TEK: variants seen among roughly 807,000 people sequenced by gnomAD.
TEK encodes the protein angiopoietin-1 receptor.
A neutral mutation model predicts 131.8 loss-of-function variants in TEK; 43 were observed. The ratio of observed to expected loss-of-function variants is 0.33; its 90% CI spans 0.26 to 0.42. The LOEUF (loss-of-function observed/expected upper bound fraction) is 0.42, where lower values mean the gene tolerates loss of function less well. Among genes scored for constraint, TEK ranks in the 10% least tolerant of loss-of-function variants. The probability of loss-of-function intolerance (pLI) is 1.00; values close to 1 mark genes in which losing one functional copy is unlikely to be tolerated. For synonymous variants in TEK, 580 were observed against 491.6 expected (o/e 1.18, Z -2.38); for missense variants, 1,162 against 1,384.4 (o/e 0.84, Z 2.55).
At chr9:27,183,026 C>A (rs1410278207) in intron 7 of TEK, among the ~76,000 whole-genome samples, 2 of 152,164 alleles carry the variant, frequency 1.3e-5, no homozygotes, top group Admixed American at 6.5e-5. Flanking sequence ...AACAGCAATA[C>A]CATGGGGTTA....
chr9:27,210,848 G>A (rs1825586086), intron 16 of TEK, among the ~76,000 whole-genome samples: 1 of 152,168 alleles, frequency 6.6e-6, no homozygotes. Context: ...GCCGGGCGTG[G>A]TGGCTCACGC....
intron 16 of TEK, chr9:27,210,572 G>A: frequency 6.3e-6 from 1 of 159,120 alleles, no homozygotes; most frequent in Non-Finnish European, 1.4e-5. Context: ...AGGGATCCAG[G>A]CACTTTGCAC....
chr9:27,204,009 T>A (rs1406779078), intron 13 of TEK, among the ~76,000 whole-genome samples: 2 of 152,200 alleles, frequency 1.3e-5, no homozygotes, highest in African/African-American at 4.8e-5. Flanking sequence ...ATATAGAAAA[T>A]CATGGTTTTC....
chr9:27,151,529 A>G (rs1027073022), intron 1 of TEK, among the ~76,000 whole-genome samples: 6 of 152,182 alleles, frequency 3.9e-5, no homozygotes, highest in Admixed American at 3.9e-4. Flanking sequence ...TTGCCTGGCT[A>G]ACCCCAACTT....
intron 9 of TEK, among the ~76,000 whole-genome samples, chr9:27,188,477 A>G (rs544228620): frequency 6.6e-6 from 1 of 152,328 alleles, no homozygotes; most frequent in South Asian, 2.1e-4. Flanking sequence ...CTGTAATAAA[A>G]TGTGCATCTG....
At chr9:27,125,487 A>T (rs886176704) in intron 1 of TEK, among the ~76,000 whole-genome samples, 7 of 152,104 alleles carry the variant, frequency 4.6e-5, no homozygotes, top group African/African-American at 1.7e-4. Flanking sequence ...GATCTTTCTA[A>T]TGAAACTCAT....
At chr9:27,223,640 C>T (rs1826182913) in intron 21 of TEK, among the ~76,000 whole-genome samples, 1 of 152,170 alleles carries the variant, frequency 6.6e-6, no homozygotes, top group African/African-American at 2.4e-5. Flanking sequence ...AAATTTATAG[C>T]TCTAAATGCC....
chr9:27,228,432 AGGATGTCCCTCCAC>A lies in TEK; in HGVS notation c.3300+128_3300+141del, dbSNP rs1826424413. 4.0e-6 allele frequency: 3 copies of A among 753,146 alleles called. No individual in the cohort carries two copies. In the Admixed American group the frequency reaches 6.4e-5, roughly 16 times the overall value. The allele number at this position is 753,146 out of a possible 1,614,324, so 46.7% of individuals were successfully genotyped here. A position where few individuals can be genotyped will look rare whatever the true frequency, so the allele number is the denominator to read the frequency against. ...ATGGCCCTAAGTATTATAGAAACAA[AGGATGTCCCTCCAC>A]CCCCGCGACTTTGAAGAAGTTACAA... On this transcript the variant is annotated intron_variant, in intron 22 of 22. Transcript: ENST00000380036.
intron 21 of TEK, among the ~76,000 whole-genome samples, chr9:27,223,037 A>T (rs2131254499): frequency 6.6e-6 from 1 of 152,302 alleles, no homozygotes; most frequent in Admixed American, 6.5e-5. Context: ...GACATTACAT[A>T]ATGGTAAAGG....
At chr9:27,186,455 G>A (rs1233260298) in intron 9 of TEK, among the ~76,000 whole-genome samples, 2 of 152,134 alleles carry the variant, frequency 1.3e-5, no homozygotes, top group Non-Finnish European at 2.9e-5. Context: ...TTGCTATCCT[G>A]TATTGTTTAG....
chr9:27,188,793 T>G (rs1261163166), intron 9 of TEK, among the ~76,000 whole-genome samples: 1 of 152,140 alleles, frequency 6.6e-6, no homozygotes, highest in Non-Finnish European at 1.5e-5. Context: ...GGAAAAAGAC[T>G]CACCATGGAG....
At chr9:27,118,729 T>C (rs971253508) in intron 1 of TEK, among the ~76,000 whole-genome samples, 1 of 152,204 alleles carries the variant, frequency 6.6e-6, no homozygotes, top group Non-Finnish European at 1.5e-5. Context: ...TCTAGGTGAT[T>C]CTGATGGGTC....
chr9:27,220,720 G>A (rs576056822), intron 21 of TEK, among the ~76,000 whole-genome samples: 25 of 152,308 alleles, frequency 1.6e-4, no homozygotes, highest in South Asian at 6.2e-4. Flanking sequence ...AAGGAGGGAC[G>A]GTGCCATGAC....
At chr9:27,153,868 T>C (rs600728) in intron 1 of TEK, among the ~76,000 whole-genome samples, 20,541 of 152,112 alleles carry the variant, frequency 0.14, 1,833 homozygotes, top group South Asian at 0.29. Flanking sequence ...CGGACCACAG[T>C]TGTACTCGTT....
intron 1 of TEK, among the ~76,000 whole-genome samples, chr9:27,127,002 T>C (rs530056896): frequency 8.5e-5 from 13 of 152,298 alleles, no homozygotes; most frequent in African/African-American, 3.1e-4. Context: ...TACTTTAAGA[T>C]CTGGGGTACA....
At position 27,127,661 on chromosome 9, in the gene TEK, G is replaced by T. The variant is rs188532321; in HGVS notation, c.52+18019G>T. Among the ~76,000 whole-genome samples the T allele has an allele frequency of 2.6e-3, 399 of 152,260 alleles. 3 individuals are homozygous for T. The highest frequency in any genetic ancestry group is 9.2e-3 in the African/African-American group (381 of 41,556). On this transcript the variant is annotated intron_variant, in intron 1 of 22. Transcript: ENST00000380036. ...ATCTGTTGTTTCCTGACTTTTTAATGATTGCCATTCTAACTGATGAGAGAT... is the reference window on the plus strand; with the variant it reads ...ATCTGTTGTTTCCTGACTTTTTAATTATTGCCATTCTAACTGATGAGAGAT...
intron 13 of TEK, 48 bp downstream of exon 13, chr9:27,203,167 T>C (rs1248678755): frequency 1.9e-6 from 3 of 1,600,224 alleles, no homozygotes; most frequent in Non-Finnish European, 2.6e-6. Context: ...TGCAGCCCTA[T>C]AGGCAGCTGG....
chr9:27,178,692 A>G (rs1427850967), intron 6 of TEK, among the ~76,000 whole-genome samples: 1 of 152,196 alleles, frequency 6.6e-6, no homozygotes, highest in Non-Finnish European at 1.5e-5. Flanking sequence ...GTTGACCAAA[A>G]TAAGGACACC....
intron 15 of TEK, 57 bp downstream of exon 15, chr9:27,206,849 T>G (rs928240513): frequency 5.1e-6 from 8 of 1,565,468 alleles, no homozygotes; most frequent in Non-Finnish European, 7.0e-6. Flanking sequence ...AAAACTTGAT[T>G]TCCTGCTCAT....
Sources: gnomAD v4.1 joint callset for allele counts (sites outside exome capture counted in the v4.1 genomes callset) on GRCh38, gnomAD v4.1.1 for gene constraint, MANE v1.5 for transcripts, NCBI Gene and HGNC (gene_info 2026-07-23, HGNC 2026-07-21) for gene names.